Variants in WDR49 observed in about 807,000 individuals in gnomAD.
The protein encoded by WDR49 is cilia- and flagella-associated protein 337.
WDR49 carries 107 observed loss-of-function variants against 119.5 expected under a neutral mutation model. The observed-to-expected ratio is 0.90, with a 90% CI of 0.77 to 1.05. WDR49 has a LOEUF of 1.05. WDR49 is among the 50% of genes least tolerant of loss of function. The pLI is 0.00. For synonymous variants in WDR49, 425 were observed against 418.8 expected (o/e 1.01, Z -0.18); for missense variants, 1,240 against 1,220.5 (o/e 1.02, Z -0.24).
chr3:167,565,842 GA>G lies in WDR49; in HGVS notation c.1510-5615del, dbSNP rs954941076. On this transcript the variant is annotated intron_variant, in intron 8 of 18. Coordinates refer to ENST00000682715, the MANE Select transcript of WDR49 (RefSeq NM_001366157.1). ...AACTAGGGAACAAATTTCAAAAGTA[GA>G]AAAAAAAAACTTTCCTCTTTTTCAC... is the stretch of plus-strand genomic sequence containing the variant. Among the ~76,000 whole-genome samples, 368 of 147,058 alleles carry G rather than the reference GA, an allele frequency of 2.5e-3. 2 individuals carry two copies. The highest frequency in any genetic ancestry group is 8.7e-3 in the African/African-American group (349 of 40,234).
In WDR49 at chr3:167,632,395, G is replaced by A. The variant is rs185065106; in HGVS notation, c.166-5103C>T. ...CATTGATAATACCAATATCCACTGGGGAAAGAGACAAGAAATATGCCTAGG... is the reference window on the plus strand; with the variant it reads ...CATTGATAATACCAATATCCACTGGAGAAAGAGACAAGAAATATGCCTAGG... On this transcript the variant is annotated intron_variant, in intron 2 of 18. Coordinates refer to ENST00000682715, the MANE Select transcript of WDR49 (RefSeq NM_001366157.1). 2.2e-3 allele frequency among the ~76,000 whole-genome samples: 329 copies of A among 152,030 alleles called. 1 individual carries two copies. Among genetic ancestry groups the A allele is most frequent in the African/African-American group, 7.3e-3 (301 of 41,508 alleles).
intron 10 of WDR49, among the ~76,000 whole-genome samples, chr3:167,543,595 T>G (rs2108255439): frequency 6.6e-6 from 1 of 152,222 alleles, no homozygotes; most frequent in Non-Finnish European, 1.5e-5. Flanking sequence ...CAGCATCACT[T>G]TATGATTAAA....
intron 7 of WDR49, among the ~76,000 whole-genome samples, chr3:167,578,325 C>T (rs1714352400): frequency 6.6e-6 from 1 of 152,136 alleles, no homozygotes; most frequent in Admixed American, 6.5e-5. Flanking sequence ...GGGCTTTTAT[C>T]TCAAGCCATA....
At chr3:167,632,007 G>A (rs1029864931) in intron 2 of WDR49, among the ~76,000 whole-genome samples, 1 of 151,964 alleles carries the variant, frequency 6.6e-6, no homozygotes, top group Non-Finnish European at 1.5e-5. Context: ...ACATTTTTTA[G>A]TGATCCAGAT....
intron 8 of WDR49, among the ~76,000 whole-genome samples, chr3:167,563,366 AAAAAAAAAAAAG>A (rs1203839414): frequency 1.3e-5 from 2 of 150,240 alleles, no homozygotes; most frequent in Non-Finnish European, 3.0e-5. Context: ...AAAAAAAAAA[AAAAAAAAAAAAG>A]AAAGAAACCT....
At chr3:167,589,810 T>C (rs1210330544) in intron 7 of WDR49, among the ~76,000 whole-genome samples, 1 of 152,084 alleles carries the variant, frequency 6.6e-6, no homozygotes, top group African/African-American at 2.4e-5. Flanking sequence ...ACCATTCTAA[T>C]GTTCTTTGGT....
At chr3:167,572,878 A>G (rs1286666777) in intron 8 of WDR49, among the ~76,000 whole-genome samples, 1 of 152,184 alleles carries the variant, frequency 6.6e-6, no homozygotes, top group Non-Finnish European at 1.5e-5. Context: ...GGCGAAGAAG[A>G]GAAGGAGGAG....
intron 2 of WDR49, among the ~76,000 whole-genome samples, chr3:167,640,052 T>C (rs968172501): frequency 6.6e-6 from 1 of 151,514 alleles, no homozygotes; most frequent in Admixed American, 6.6e-5. Context: ...CCCTTCCTAA[T>C]AAAGAAATTT....
chr3:167,655,923 C>A (rs535525993), upstream of WDR49, among the ~76,000 whole-genome samples: 91 of 152,054 alleles, frequency 6.0e-4, no homozygotes, highest in East Asian at 1.4e-3. Flanking sequence ...CTCTCTCTCT[C>A]TCTATATATA....
At chr3:167,487,985 A>C (rs1750988847) in intron 18 of WDR49, among the ~76,000 whole-genome samples, 1 of 152,094 alleles carries the variant, frequency 6.6e-6, no homozygotes, top group African/African-American at 2.4e-5. Flanking sequence ...AATAACTTAA[A>C]ACAGAGCTAC....
intron 5 of WDR49, among the ~76,000 whole-genome samples, chr3:167,605,708 G>C (rs1157666313): frequency 6.6e-6 from 1 of 152,168 alleles, no homozygotes; most frequent in African/African-American, 2.4e-5. Flanking sequence ...CAATAGATGA[G>C]AGGCCATGAC....
chr3:167,529,319 G>A (rs796264068), intron 13 of WDR49, 80 bp from the exon 14 acceptor site: 1 of 1,326,578 alleles, frequency 7.5e-7, no homozygotes, highest in Non-Finnish European at 1.0e-6. Flanking sequence ...TTTCCCTGTG[G>A]AAAGCATGTG....
chr3:167,525,913 C>T (rs2108236405), intron 15 of WDR49, among the ~76,000 whole-genome samples: 1 of 151,464 alleles, frequency 6.6e-6, no homozygotes, highest in African/African-American at 2.4e-5. Context: ...CTTTTCCTTT[C>T]CCTTTCCCCT....
intron 7 of WDR49, among the ~76,000 whole-genome samples, chr3:167,597,342 T>A (rs1255020887): frequency 6.6e-6 from 1 of 152,226 alleles, no homozygotes; most frequent in East Asian, 1.9e-4. Flanking sequence ...TAGGAGCCTC[T>A]GCCTAGATTT....
At chr3:167,614,486 T>C (rs964286455) in intron 5 of WDR49, among the ~76,000 whole-genome samples, 5 of 152,156 alleles carry the variant, frequency 3.3e-5, no homozygotes, top group African/African-American at 1.2e-4. Flanking sequence ...AAAGGAAAAT[T>C]CTCTGAAATT....
chr3:167,512,501 GA>G (rs973817507), intron 16 of WDR49, among the ~76,000 whole-genome samples: 2 of 152,222 alleles, frequency 1.3e-5, no homozygotes, highest in Non-Finnish European at 2.9e-5. Context: ...ACAAAGATGA[GA>G]AAAAAATCCA....
intron 7 of WDR49, among the ~76,000 whole-genome samples, chr3:167,584,067 T>C (rs529118946): frequency 6.6e-6 from 1 of 152,192 alleles, no homozygotes; most frequent in South Asian, 2.1e-4. Context: ...CAGAATCCCC[T>C]AAATGAACAA....
At position 167,516,729 on chromosome 3, in the gene WDR49, A is replaced by G. The variant is rs536809207; in HGVS notation, c.2774+5586T>C. 3.3e-4 allele frequency among the ~76,000 whole-genome samples: 51 copies of G among 152,278 alleles called. No homozygotes were observed. In the South Asian group the frequency reaches 8.3e-3, roughly 25 times the overall value. On this transcript the variant is annotated intron_variant, in intron 16 of 18. Transcript: ENST00000682715. ...AAATTGACAAATGGGATCTAATTAA[A>G]CTAACGACCTTCTGCACAGCAAAAG... is the stretch of plus-strand genomic sequence containing the variant.
intron 10 of WDR49, among the ~76,000 whole-genome samples, chr3:167,553,238 G>A (rs923456080): frequency 6.6e-6 from 1 of 152,022 alleles, no homozygotes; most frequent in African/African-American, 2.4e-5. Context: ...AGGTATCCAA[G>A]TCCTGACAAC....
Sources: allele counts gnomAD v4.1 joint callset (sites outside exome capture counted in the v4.1 genomes callset), GRCh38; gene constraint gnomAD v4.1.1; transcripts MANE v1.5; gene names NCBI Gene and HGNC (gene_info 2026-07-23, HGNC 2026-07-21).